Variants in CCBE1 observed in about 807,000 individuals in gnomAD.
CCBE1 encodes collagen and calcium-binding EGF domain-containing protein 1.
CCBE1 carries 37 observed loss-of-function variants against 50.0 expected under a neutral mutation model. That is an observed-to-expected ratio of 0.74 (90% CI 0.57 to 0.97). The LOEUF (loss-of-function observed/expected upper bound fraction) is 0.97, where lower values mean the gene tolerates loss of function less well. Among genes scored for constraint, CCBE1 ranks in the 50% least tolerant of loss-of-function variants. The probability of loss-of-function intolerance (pLI) is 0.00; values close to 1 mark genes in which losing one functional copy is unlikely to be tolerated. For missense variants in CCBE1, 538 were observed against 523.8 expected, an observed-to-expected ratio of 1.03 and a Z score of -0.26; for synonymous variants, 234 against 203.7, an observed-to-expected ratio of 1.15 and a Z score of -1.27.
chr18:59,690,577 G>A (rs1488861343), intron 2 of CCBE1, among the ~76,000 whole-genome samples: 1 of 152,214 alleles, frequency 6.6e-6, no homozygotes, highest in Admixed American at 6.5e-5. Flanking sequence ...TTTTCCGGGT[G>A]CACCCACCCC....
intron 2 of CCBE1, among the ~76,000 whole-genome samples, chr18:59,643,254 T>A (rs2054014262): frequency 1.3e-5 from 2 of 152,214 alleles, no homozygotes; most frequent in Admixed American, 1.3e-4. Flanking sequence ...CCTTAAATAT[T>A]TGACTCTAAT....
chr18:59,450,839 G>A (rs565202174), intron 6 of CCBE1, among the ~76,000 whole-genome samples: 2 of 152,180 alleles, frequency 1.3e-5, no homozygotes. Flanking sequence ...CCGGCCTACA[G>A]TCAGTTTAAT....
At chr18:59,580,569 G>A (rs745864975) in intron 2 of CCBE1, among the ~76,000 whole-genome samples, 4 of 152,116 alleles carry the variant, frequency 2.6e-5, no homozygotes, top group Non-Finnish European at 4.4e-5. Context: ...AAGGTCTCAG[G>A]GTTAGAAAAT....
At chr18:59,511,735 A>T (rs138599696) in intron 2 of CCBE1, among the ~76,000 whole-genome samples, 21 of 152,282 alleles carry the variant, frequency 1.4e-4, no homozygotes, top group African/African-American at 4.6e-4. Flanking sequence ...GTAACCATTA[A>T]CCAACCTCTC....
At chr18:59,549,188 A>T (rs1040026573) in intron 2 of CCBE1, among the ~76,000 whole-genome samples, 1 of 152,064 alleles carries the variant, frequency 6.6e-6, no homozygotes, top group Non-Finnish European at 1.5e-5. Flanking sequence ...TTCACATGTG[A>T]TCAAGTATAA....
At chr18:59,475,607 C>T (rs1478754709) in intron 3 of CCBE1, among the ~76,000 whole-genome samples, 1 of 152,120 alleles carries the variant, frequency 6.6e-6, no homozygotes, top group East Asian at 1.9e-4. Context: ...CAAATGCTAC[C>T]CCTTCAAGAA....
intron 7 of CCBE1, among the ~76,000 whole-genome samples, chr18:59,446,243 G>T (rs921056545): frequency 6.6e-6 from 1 of 152,200 alleles, no homozygotes; most frequent in African/African-American, 2.4e-5. Flanking sequence ...AGCTTGCAAG[G>T]CATTTATTAA....
intron 2 of CCBE1, among the ~76,000 whole-genome samples, chr18:59,603,400 C>A (rs1364023561): frequency 1.3e-5 from 2 of 152,122 alleles, no homozygotes; most frequent in African/African-American, 4.8e-5. Flanking sequence ...AATCACTCAC[C>A]TCTACCCCTG....
intron 4 of CCBE1, 96 bp downstream of exon 4, chr18:59,469,377 C>A: frequency 6.6e-7 from 1 of 1,519,624 alleles, no homozygotes; most frequent in South Asian, 1.1e-5. Context: ...ACAACTCCAT[C>A]CAACAAGTAT....
chr18:59,648,248 T>TAATA (rs2054081329), intron 2 of CCBE1, among the ~76,000 whole-genome samples: 1 of 152,174 alleles, frequency 6.6e-6, no homozygotes, highest in South Asian at 2.1e-4. Flanking sequence ...TCCCTCCATT[T>TAATA]AATGGTGGAG....
intron 2 of CCBE1, among the ~76,000 whole-genome samples, chr18:59,642,416 C>G (rs1462519369): frequency 6.6e-6 from 1 of 152,174 alleles, no homozygotes; most frequent in African/African-American, 2.4e-5. Context: ...AGAAATAGTT[C>G]TCCAGCAAAA....
chr18:59,634,030 G>A (rs899876571), intron 2 of CCBE1, among the ~76,000 whole-genome samples: 9 of 152,162 alleles, frequency 5.9e-5, no homozygotes, highest in African/African-American at 2.2e-4. Context: ...AGAAGTGAAG[G>A]ACTTCTCAGA....
intron 2 of CCBE1, among the ~76,000 whole-genome samples, chr18:59,586,087 G>A (rs1177429536): frequency 6.6e-6 from 1 of 152,170 alleles, no homozygotes; most frequent in Admixed American, 6.5e-5. Flanking sequence ...ATATGTACAT[G>A]TAAAATAGTA....
intron 2 of CCBE1, among the ~76,000 whole-genome samples, chr18:59,636,564 T>C (rs2053919510): frequency 1.3e-5 from 2 of 152,192 alleles, no homozygotes; most frequent in Admixed American, 1.3e-4. Context: ...AAAGGAAACC[T>C]AGACAGAGCA....
chr18:59,455,305 T>G (rs1262900909), intron 5 of CCBE1: 1 of 377,894 alleles, frequency 2.6e-6, no homozygotes, highest in East Asian at 6.6e-5. Flanking sequence ...TATACTCCCC[T>G]TAAAGGGCTA....
intron 5 of CCBE1, among the ~76,000 whole-genome samples, chr18:59,460,103 C>T (rs1911390358): frequency 6.6e-6 from 1 of 152,238 alleles, no homozygotes. Context: ...GGTGACTAAA[C>T]TGGCTCCGGC....
At chr18:59,471,012 G>A (rs558332959) in intron 3 of CCBE1, among the ~76,000 whole-genome samples, 10 of 152,292 alleles carry the variant, frequency 6.6e-5, no homozygotes, top group African/African-American at 1.7e-4. Context: ...CTGGCTACAC[G>A]TTTCCCCCAC....
intron 2 of CCBE1, among the ~76,000 whole-genome samples, chr18:59,498,614 G>A (rs1178695670): frequency 6.6e-6 from 1 of 152,222 alleles, no homozygotes; most frequent in East Asian, 1.9e-4. Flanking sequence ...GCAGGCAAGA[G>A]TAAGAAAATG....
chr18:59,629,878 A>C (rs1248381407), intron 2 of CCBE1, among the ~76,000 whole-genome samples: 1 of 152,164 alleles, frequency 6.6e-6, no homozygotes, highest in Non-Finnish European at 1.5e-5. Flanking sequence ...GTGTACACCA[A>C]GTTTTTAGGC....
Sources: gnomAD v4.1 joint callset for allele counts (sites outside exome capture counted in the v4.1 genomes callset) on GRCh38, gnomAD v4.1.1 for gene constraint, MANE v1.5 for transcripts, NCBI Gene and HGNC (gene_info 2026-07-23, HGNC 2026-07-21) for gene names.